DLG2: variants seen among roughly 807,000 people sequenced by gnomAD.
DLG2 encodes discs large MAGUK scaffold protein 2.
Under a neutral mutation model 132.5 loss-of-function variants are expected in DLG2, and 45 were observed. The observed-to-expected ratio is 0.34, with a 90% confidence interval of 0.27 to 0.44. The LOEUF (loss-of-function observed/expected upper bound fraction) is 0.44. Among genes scored for constraint, DLG2 ranks in the 20% least tolerant of loss-of-function variants. The pLI, the probability that DLG2 is intolerant of heterozygous loss-of-function variation, is 1.00. For synonymous variants in DLG2, 424 were observed against 419.6 expected, an observed-to-expected ratio of 1.01 and a Z score of -0.13; for missense variants, 1,045 against 1,196.9, an observed-to-expected ratio of 0.87 and a Z score of 1.87.
intron 3 of DLG2, among the ~76,000 whole-genome samples, chr11:85,558,496 C>T (rs1421818511): frequency 6.6e-6 from 1 of 151,834 alleles, no homozygotes; most frequent in African/African-American, 2.4e-5. Context: ...CACTCACATG[C>T]TCATTGCAGA....
In DLG2 at chr11:85,471,374, G is replaced by A. The variant is rs951584347; in HGVS notation, c.40+127283C>T. ...AAATAATCCCCCATGAAAAATAGCC[G>A]ACCTATCAAATGGAAGGATGAGCAG... On this transcript the variant is annotated intron_variant, in intron 3 of 27. Coordinates refer to ENST00000376104, the MANE Select transcript of DLG2 (RefSeq NM_001142699.3). Among the ~76,000 whole-genome samples the A allele has an allele frequency of 9.2e-5, 14 of 151,910 alleles. No homozygotes were observed. The East Asian group carries it at 1.5e-3, about 17-fold the overall frequency.
intron 6 of DLG2, among the ~76,000 whole-genome samples, chr11:84,700,560 G>T (rs1203293119): frequency 2.6e-5 from 4 of 151,528 alleles, no homozygotes; most frequent in African/African-American, 9.7e-5. Context: ...ATCAAGAATG[G>T]CATTGTATGG....
At chr11:85,268,130 T>C (rs896774473) in intron 4 of DLG2, among the ~76,000 whole-genome samples, 3 of 152,062 alleles carry the variant, frequency 2.0e-5, no homozygotes, top group Non-Finnish European at 4.4e-5. Context: ...TCAGAGCTTG[T>C]TTTCTGCTTT....
intron 18 of DLG2, among the ~76,000 whole-genome samples, chr11:83,724,569 C>T (rs1166378403): frequency 6.7e-6 from 1 of 148,750 alleles, no homozygotes; most frequent in African/African-American, 2.5e-5. Flanking sequence ...GCTGAAGAGG[C>T]CAGTGGTAAA....
chr11:83,827,437 T>C (rs945027824), intron 17 of DLG2, among the ~76,000 whole-genome samples: 23 of 152,210 alleles, frequency 1.5e-4, no homozygotes, highest in African/African-American at 5.6e-4. Flanking sequence ...GACTCATTTT[T>C]ACTCTTTTTA....
At chr11:84,708,449 C>T (rs527892635) in intron 6 of DLG2, among the ~76,000 whole-genome samples, 39 of 151,960 alleles carry the variant, frequency 2.6e-4, no homozygotes, top group Admixed American at 6.6e-4. Flanking sequence ...TTCTCTAAGA[C>T]CGTTTTTGAA....
At chr11:85,125,373 T>C (rs2074965667) in intron 5 of DLG2, among the ~76,000 whole-genome samples, 1 of 152,202 alleles carries the variant, frequency 6.6e-6, no homozygotes, top group Non-Finnish European at 1.5e-5. Context: ...ACTACAGATG[T>C]GTTAACAGAT....
chr11:83,830,602 T>A (rs1238069184), intron 17 of DLG2, among the ~76,000 whole-genome samples: 1 of 152,244 alleles, frequency 6.6e-6, no homozygotes, highest in Non-Finnish European at 1.5e-5. Context: ...CTTTATGTGT[T>A]CCCGAATGTG....
At chr11:84,833,870 G>A (rs2079362583) in intron 6 of DLG2, among the ~76,000 whole-genome samples, 1 of 151,616 alleles carries the variant, frequency 6.6e-6, no homozygotes, top group South Asian at 2.1e-4. Context: ...AAATAGCTGT[G>A]AACTTCTCAA....
intron 9 of DLG2, among the ~76,000 whole-genome samples, chr11:84,124,438 A>T (rs1030260699): frequency 6.6e-6 from 1 of 152,242 alleles, no homozygotes; most frequent in Non-Finnish European, 1.5e-5. Context: ...ATCAGTTGCT[A>T]CATAAAGAAA....
chr11:84,312,942 T>A (rs2098304472), intron 7 of DLG2, among the ~76,000 whole-genome samples: 1 of 151,930 alleles, frequency 6.6e-6, no homozygotes, highest in African/African-American at 2.4e-5. Context: ...CCCCAGTAGC[T>A]GGGACTACAG....
chr11:83,939,664 GT>G (rs1361203427), intron 14 of DLG2, among the ~76,000 whole-genome samples: 6 of 152,082 alleles, frequency 3.9e-5, no homozygotes, highest in African/African-American at 1.2e-4. Context: ...AACACCTAAA[GT>G]TGCCAAATCT....
intron 4 of DLG2, among the ~76,000 whole-genome samples, chr11:85,201,395 G>T (rs2081447209): frequency 6.6e-6 from 1 of 152,080 alleles, no homozygotes; most frequent in Non-Finnish European, 1.5e-5. Context: ...CCTACATGTA[G>T]ACCACCAAGA....
At chr11:84,387,433 C>T (rs2098775292) in intron 7 of DLG2, among the ~76,000 whole-genome samples, 1 of 151,824 alleles carries the variant, frequency 6.6e-6, no homozygotes, top group South Asian at 2.1e-4. Context: ...ATTAGTTATA[C>T]AGAAAAATAT....
chr11:83,479,374 C>CG (rs67710156), intron 22 of DLG2, among the ~76,000 whole-genome samples: 5,695 of 151,254 alleles, frequency 0.038, 330 homozygotes, highest in African/African-American at 0.12. Flanking sequence ...CATGCTATAA[C>CG]GGGGGGGGGA....
chr11:83,998,255 G>C (rs1171927442), intron 11 of DLG2, among the ~76,000 whole-genome samples: 2 of 152,168 alleles, frequency 1.3e-5, no homozygotes, highest in Non-Finnish European at 2.9e-5. Context: ...AATTTTGTTT[G>C]TTGTTGGCTT....
At chr11:85,073,255 G>A (rs1305438600) in intron 6 of DLG2, among the ~76,000 whole-genome samples, 1 of 151,762 alleles carries the variant, frequency 6.6e-6, no homozygotes, top group Non-Finnish European at 1.5e-5. Flanking sequence ...TCCCTTCCAG[G>A]TCACTCCAGG....
chr11:85,174,143 T>G (rs2079060806), intron 4 of DLG2, among the ~76,000 whole-genome samples: 1 of 152,098 alleles, frequency 6.6e-6, no homozygotes, highest in South Asian at 2.1e-4. Flanking sequence ...TACAGAACTC[T>G]CCAACCAAAA....
In DLG2 at chr11:84,173,932, C is replaced by T. The variant is rs1174906486; in HGVS notation, c.574-10421G>A. ...ACGGCAGTGATGACCATTTATTTTACTCCTGCCAGATATGAACATTTGCCA... is the reference window on the plus strand; with the variant it reads ...ACGGCAGTGATGACCATTTATTTTATTCCTGCCAGATATGAACATTTGCCA... On this transcript the variant is annotated intron_variant, in intron 8 of 27. Coordinates refer to ENST00000376104, the MANE Select transcript of DLG2 (RefSeq NM_001142699.3). 2.0e-5 allele frequency among the ~76,000 whole-genome samples: 3 copies of T among 149,534 alleles called. No homozygotes were observed. In the East Asian group the frequency reaches 6.0e-4, roughly 30 times the overall value.
Sources: allele counts gnomAD v4.1 joint callset (sites outside exome capture counted in the v4.1 genomes callset), GRCh38; gene constraint gnomAD v4.1.1; transcripts MANE v1.5; gene names NCBI Gene and HGNC (gene_info 2026-07-23, HGNC 2026-07-21).